Variants in NFIA observed in about 807,000 individuals in gnomAD.
NFIA encodes nuclear factor I A, also known as nuclear factor 1 A-type.
Under a neutral mutation model 62.8 loss-of-function variants are expected in NFIA, and 8 were observed. That is an observed-to-expected ratio of 0.13 (90% CI 0.07 to 0.23). NFIA has a LOEUF of 0.23. Ranked by LOEUF, NFIA falls within the 10% of genes least tolerant of loss-of-function variation. The pLI is 1.00. For synonymous variants in NFIA, 235 were observed against 238.1 expected, an observed-to-expected ratio of 0.99 and a Z score of 0.12; for missense variants, 410 against 642.1, an observed-to-expected ratio of 0.64 and a Z score of 3.91.
intron 2 of NFIA, among the ~76,000 whole-genome samples, chr1:61,127,755 A>G (rs1647001436): frequency 1.3e-5 from 2 of 152,226 alleles, no homozygotes; most frequent in South Asian, 4.1e-4. Context: ...GGCCTTTTAA[A>G]AAAAAAGTAT....
intron 2 of NFIA, among the ~76,000 whole-genome samples, chr1:61,196,406 T>G (rs1418080976): frequency 6.6e-6 from 1 of 152,178 alleles, no homozygotes; most frequent in Non-Finnish European, 1.5e-5. Context: ...AAAAGCTGGT[T>G]TAAGATAAAT....
chr1:61,227,085 C>T (rs1654380612), intron 2 of NFIA, among the ~76,000 whole-genome samples: 1 of 152,160 alleles, frequency 6.6e-6, no homozygotes. Flanking sequence ...GAACCAGTGC[C>T]ATAAGATGAG....
intron 2 of NFIA, among the ~76,000 whole-genome samples, chr1:61,273,106 G>T (rs1301486301): frequency 6.6e-6 from 1 of 152,148 alleles, no homozygotes; most frequent in East Asian, 1.9e-4. Context: ...GTTTTAGGGT[G>T]GGAAGGGTTC....
Position 61,406,544 on chromosome 1 carries a change from C to CGGGG in NFIA, c.1255-18_1255-17insGGGG. 5.0e-5 allele frequency: 4 copies of CGGGG among 79,274 alleles called. No individual in the cohort carries two copies. Among genetic ancestry groups the CGGGG allele is most frequent in the Non-Finnish European group, 6.1e-5 (3 of 49,442 alleles). 4.9% of individuals were successfully genotyped at this position (79,274 alleles called of 1,614,324 possible). A position where few individuals can be genotyped will look rare whatever the true frequency, so the allele number is the denominator to read the frequency against. ...CTTTTTCTTGTACGTGTGTTTTCTG[C>CGGGG]CCCCCCCCCCCCCACAGCCCAATGG... On this transcript the variant is annotated splice_polypyrimidine_tract_variant and intron_variant, in intron 8 of 10. Coordinates refer to ENST00000403491, the MANE Select transcript of NFIA (RefSeq NM_001134673.4).
At chr1:61,246,814 C>T (rs911551600) in intron 2 of NFIA, among the ~76,000 whole-genome samples, 1 of 152,148 alleles carries the variant, frequency 6.6e-6, no homozygotes, top group Non-Finnish European at 1.5e-5. Flanking sequence ...GAAATTGGCT[C>T]ACTGGTTCGT....
rs1306368941 is a variant in NFIA, at chr1:61,441,294, T to TGTGC, written c.1513-14006_1513-14005insCGTG. On this transcript the variant is annotated intron_variant, in intron 10 of 10. Transcript: ENST00000403491. Reference sequence around the variant, plus strand: ...ACTTTCATAGACTGCCGTGCAGGGGTGTGTGTGTGTGTGTGTGTGTGTGTG... The same window carrying TGTGC: ...ACTTTCATAGACTGCCGTGCAGGGGTGTGCGTGTGTGTGTGTGTGTGTGTGTGTG... Among the ~76,000 whole-genome samples, 6 of 53,950 alleles carry TGTGC rather than the reference T, an allele frequency of 1.1e-4. No homozygotes were observed. In the Admixed American group the frequency reaches 1.5e-3, roughly 14 times the overall value. 35.4% of individuals were successfully genotyped at this position (53,950 alleles called of 152,430 possible). A position where few individuals can be genotyped will look rare whatever the true frequency, so the allele number is the denominator to read the frequency against.
At chr1:61,093,924 C>T (rs1001638290) in intron 2 of NFIA, among the ~76,000 whole-genome samples, 5 of 152,222 alleles carry the variant, frequency 3.3e-5, no homozygotes, top group South Asian at 2.1e-4. Flanking sequence ...CTGCTGTACA[C>T]AGTAGGACTG....
intron 2 of NFIA, among the ~76,000 whole-genome samples, chr1:61,170,485 G>C (rs555632925): frequency 2.3e-4 from 35 of 152,090 alleles, no homozygotes; most frequent in Non-Finnish European, 4.7e-4. Context: ...AAATAGCCTT[G>C]GGAGGTGCTC....
chr1:61,203,378 C>T (rs796079404), intron 2 of NFIA, among the ~76,000 whole-genome samples: 24 of 152,208 alleles, frequency 1.6e-4, no homozygotes, highest in South Asian at 4.1e-4. Context: ...AATTAAAGCA[C>T]GAGTTCCACG....
At chr1:61,256,769 AT>A (rs1342338757) in intron 2 of NFIA, among the ~76,000 whole-genome samples, 1 of 152,172 alleles carries the variant, frequency 6.6e-6, no homozygotes, top group Non-Finnish European at 1.5e-5. Context: ...AGTTAGCAAA[AT>A]ACAAGGATCC....
chr1:61,315,819 C>T (rs1251863323), intron 3 of NFIA, among the ~76,000 whole-genome samples: 1 of 152,168 alleles, frequency 6.6e-6, no homozygotes, highest in Non-Finnish European at 1.5e-5. Context: ...AGTTCACCTG[C>T]ATCCTTGAGT....
intron 7 of NFIA, among the ~76,000 whole-genome samples, chr1:61,391,004 G>A (rs961873717): frequency 3.3e-5 from 5 of 152,104 alleles, no homozygotes; most frequent in African/African-American, 1.2e-4. Context: ...AAGAGGCATG[G>A]CATGTTTAAG....
chr1:61,280,726 A>G (rs1047319469), intron 3 of NFIA, among the ~76,000 whole-genome samples: 2 of 152,224 alleles, frequency 1.3e-5, no homozygotes, highest in Non-Finnish European at 2.9e-5. Context: ...CAACTGTAAA[A>G]GAAAACAAAT....
chr1:61,452,746 A>G (rs565893252), intron 10 of NFIA, among the ~76,000 whole-genome samples: 1 of 152,344 alleles, frequency 6.6e-6, no homozygotes, highest in Non-Finnish European at 1.5e-5. Flanking sequence ...GGAGTCAGCA[A>G]CTTCTATTGA....
intron 2 of NFIA, among the ~76,000 whole-genome samples, chr1:61,148,546 G>T (rs1468264778): frequency 6.6e-6 from 1 of 152,168 alleles, no homozygotes; most frequent in African/African-American, 2.4e-5. Flanking sequence ...TAACAACAGA[G>T]AGCTGCTGAC....
At chr1:61,191,554 TGCTGAAG>T (rs539295158) in intron 2 of NFIA, among the ~76,000 whole-genome samples, 3 of 152,334 alleles carry the variant, frequency 2.0e-5, no homozygotes, top group African/African-American at 7.2e-5. Flanking sequence ...CAGGAGATAG[TGCTGAAG>T]GTTTTTGTTT....
intron 2 of NFIA, among the ~76,000 whole-genome samples, chr1:61,117,149 T>C (rs2100463332): frequency 6.6e-6 from 1 of 152,336 alleles, no homozygotes; most frequent in East Asian, 1.9e-4. Flanking sequence ...ATTGCACCCA[T>C]CAGGGCAGTT....
intron 2 of NFIA, among the ~76,000 whole-genome samples, chr1:61,233,970 TGTG>T (rs1339500143): frequency 6.6e-6 from 1 of 152,190 alleles, no homozygotes. Context: ...TACAGAGAGC[TGTG>T]AAGAGATCCT....
At position 61,460,356 on chromosome 1, in the gene NFIA, G is replaced by A. The variant is rs1668482261; in HGVS notation, c.*5036G>A. Reference sequence around the variant, plus strand: ...AGCTATTCCATAGCACTTAACTGTAGTGAATACTGTGTCACCAATTTTGAA... The same window carrying A: ...AGCTATTCCATAGCACTTAACTGTAATGAATACTGTGTCACCAATTTTGAA... On this transcript the variant is annotated 3_prime_UTR_variant, in exon 11 of 11. Coordinates refer to ENST00000403491, the MANE Select transcript of NFIA (RefSeq NM_001134673.4). The A allele has an allele frequency of 6.6e-6, 1 of 152,168 alleles. No homozygotes were observed. Among genetic ancestry groups the A allele is most frequent in the Admixed American group, 6.5e-5 (1 of 15,276 alleles). The allele number at this position is 152,168 out of a possible 1,614,324, so 9.4% of individuals were successfully genotyped here. A position where few individuals can be genotyped will look rare whatever the true frequency, so the allele number is the denominator to read the frequency against.
Sources: allele counts gnomAD v4.1 joint callset (sites outside exome capture counted in the v4.1 genomes callset), GRCh38; gene constraint gnomAD v4.1.1; transcripts MANE v1.5; gene names NCBI Gene and HGNC (gene_info 2026-07-23, HGNC 2026-07-21).